PPP1R13L: variants seen among roughly 807,000 people sequenced by gnomAD.
PPP1R13L encodes protein phosphatase 1 regulatory subunit 13 like, also known as relA-associated inhibitor.
A neutral mutation model predicts 80.9 loss-of-function variants in PPP1R13L; 50 were observed. The ratio of observed to expected loss-of-function variants is 0.62; its 90% CI spans 0.49 to 0.78. The LOEUF (loss-of-function observed/expected upper bound fraction) is 0.78. PPP1R13L is among the 30% of genes least tolerant of loss of function. The pLI, the probability that PPP1R13L is intolerant of heterozygous loss-of-function variation, is 0.00. For missense variants in PPP1R13L, 1,200 were observed against 1,205.9 expected (o/e 1.00, Z 0.07); for synonymous variants, 602 against 534.3 (o/e 1.13, Z -1.75).
chr19:45,391,999 G>A lies in PPP1R13L; in HGVS notation c.1696C>T (p.Leu566=). 6.5e-7 allele frequency: 1 copy of A among 1,537,374 alleles called. No individual in the cohort carries two copies. Among genetic ancestry groups the A allele is most frequent in the African/African-American group, 1.4e-5 (1 of 72,192 alleles). Reference sequence around the variant, plus strand: ...TCAGATCCCTCAGTGATGGGGGACAGCTCTGGCTCCGGCCCCCCGGGCCCT... The same window carrying A: ...TCAGATCCCTCAGTGATGGGGGACAACTCTGGCTCCGGCCCCCCGGGCCCT... ...GPGPGGPEPE[L]SPITEGSEAR... is the part of the protein sequence containing the mutation. Residue 566 remains leucine (L), a synonymous_variant, in exon 8 of 13, where the codon CTG becomes TTG. Transcript: ENST00000360957.
At chr19:45,392,644 G>A (rs1973001298) in intron 7 of PPP1R13L, 1 of 475,432 alleles carries the variant, frequency 2.1e-6, no homozygotes, top group African/African-American at 2.0e-5. Context: ...CTGGGCCTCA[G>A]AGAGGACAAG....
chr19:45,381,357 G>A (rs1031667756), intron 12 of PPP1R13L, among the ~76,000 whole-genome samples: 7 of 151,498 alleles, frequency 4.6e-5, no homozygotes, highest in Admixed American at 6.6e-5. Flanking sequence ...CCACCTGGCC[G>A]GGCCCTCCAC....
rs1972848724 is a variant in PPP1R13L, at chr19:45,385,567, A to G, written c.2243T>C (p.Leu748Pro). 2 of 1,610,644 alleles carry G rather than the reference A, an allele frequency of 1.2e-6. No homozygotes were observed. Among genetic ancestry groups the G allele is most frequent in the Non-Finnish European group, 1.7e-6 (2 of 1,178,258 alleles). The change falls in exon 11 of 13, where the codon CTG becomes CCG. Residue 748 changes from leucine (L) to proline (P), a missense_variant. Physicochemically the swap from Leu to Pro is moderately conservative, Grantham distance 98. Around this residue, in one of 5 missense-constraint regions of PPP1R13L, gnomAD observed 165 missense variants for 177.1 expected, o/e 0.93. Coordinates refer to ENST00000360957, the MANE Select transcript of PPP1R13L (RefSeq NM_006663.4). ...REGYADCATY[L>P]ADVEQSMGLM... is the part of the protein sequence containing the mutation. ...CCAGCAGCCCTGCCTCGCACCTGCCAGGTAGGTGGCGCAGTCAGCATAACC... is the reference window on the plus strand; with the variant it reads ...CCAGCAGCCCTGCCTCGCACCTGCCGGGTAGGTGGCGCAGTCAGCATAACC...
intron 12 of PPP1R13L, among the ~76,000 whole-genome samples, chr19:45,381,961 C>T (rs1458548990): frequency 6.6e-6 from 1 of 151,570 alleles, no homozygotes; most frequent in Admixed American, 6.6e-5. Flanking sequence ...TACAAATTGG[C>T]CGGGTGCGGT....
At chr19:45,382,438 C>G in intron 12 of PPP1R13L, 89 bp downstream of exon 12, 4 of 1,467,794 alleles carry the variant, frequency 2.7e-6, no homozygotes, top group Non-Finnish European at 3.7e-6. Flanking sequence ...ACGGTTTGTT[C>G]CTGTTGCCTC....
At chr19:45,395,960 G>A in intron 6 of PPP1R13L, 74 bp from the exon 7 acceptor site, 2 of 1,396,664 alleles carry the variant, frequency 1.4e-6, no homozygotes, top group Admixed American at 2.1e-5. Flanking sequence ...CAAAAGACGA[G>A]AAGGGAGAGG....
At position 45,396,419 on chromosome 19, in the gene PPP1R13L, G is replaced by C. The variant is rs1473770382; in HGVS notation, c.730C>G (p.Arg244Gly). Residue 244 changes from arginine (R) to glycine (G), a missense_variant, in exon 5 of 13, where the codon CGG becomes GGG. Around this residue, in one of 5 missense-constraint regions of PPP1R13L, gnomAD observed 764 missense variants for 714.5 expected, o/e 1.07. Transcript: ENST00000360957. This position sits in a 1 kb window ranked among gnomAD's most constrained non-coding sequence, Gnocchi z 5.3. ...TCGTTCCAGGCTTTCGGAGGCCGCCGGCGCAGCGTCAGGTCGTCTGGGGAG... is the reference window on the plus strand; with the variant it reads ...TCGTTCCAGGCTTTCGGAGGCCGCCCGCGCAGCGTCAGGTCGTCTGGGGAG... ...LRAQDDLTLR[R>G]RPPKAWNESD... The C allele has an allele frequency of 6.2e-7, 1 of 1,613,956 alleles. No individual in the cohort carries two copies. Among genetic ancestry groups the C allele is most frequent in the Non-Finnish European group, 8.5e-7 (1 of 1,180,000 alleles).
At chr19:45,382,458 C>T in intron 12 of PPP1R13L, 69 bp downstream of exon 12, 2 of 1,542,444 alleles carry the variant, frequency 1.3e-6, no homozygotes, top group Admixed American at 1.8e-5. Context: ...CTTCTTTTTC[C>T]TGTGGGATCC....
chr19:45,382,563 G>A lies in PPP1R13L; in HGVS notation c.2412C>T (p.His804=), dbSNP rs373520049. ...EETDWWWAAL[H]GQEGYVPRNY... is the part of the protein sequence containing the mutation. Reference sequence around the variant, plus strand: ...TCCGCGGCACGTAGCCCTCCTGGCCGTGCAGCGCGGCCCACCACCAGTCGG... The same window carrying A: ...TCCGCGGCACGTAGCCCTCCTGGCCATGCAGCGCGGCCCACCACCAGTCGG... The change falls in exon 12 of 13, where the codon CAC becomes CAT. Residue 804 remains histidine (H), a synonymous_variant. Coordinates refer to ENST00000360957, the MANE Select transcript of PPP1R13L (RefSeq NM_006663.4). 11 of 1,613,304 alleles carry A rather than the reference G, an allele frequency of 6.8e-6. No individual in the cohort carries two copies. The highest frequency in any genetic ancestry group is 8.5e-6 in the Non-Finnish European group (10 of 1,179,834).
intron 8 of PPP1R13L, among the ~76,000 whole-genome samples, chr19:45,389,815 A>T (rs1972934796): frequency 6.6e-6 from 1 of 151,438 alleles, no homozygotes; most frequent in Non-Finnish European, 1.5e-5. Context: ...ATTTTTTTTG[A>T]GACGGAATCT....
chr19:45,396,597 G>T lies in PPP1R13L; in HGVS notation c.660C>A (p.Ser220Arg). ...AYDAPASAFG[S>R]SLLGSGGSAF... ...CGCTGCCGCCGGAGCCTAGCAGGGA[G>T]CTCCCGAAGGCGGACGCTGGCGCGT... The change falls in exon 4 of 13, where the codon AGC (serine) becomes AGA (arginine). Residue 220 changes from serine to arginine, a missense_variant. Transcript: ENST00000360957. The surrounding 1 kb of genome is among the most constrained non-coding windows in gnomAD (Gnocchi z 5.3). 1 of 1,495,198 alleles carries T rather than the reference G, an allele frequency of 6.7e-7. No individual in the cohort carries two copies. Among genetic ancestry groups the T allele is most frequent in the Non-Finnish European group, 8.8e-7 (1 of 1,131,354 alleles). The allele number at this position is 1,495,198 out of a possible 1,614,324, so 92.6% of individuals were successfully genotyped here.
upstream of PPP1R13L, among the ~76,000 whole-genome samples, chr19:45,405,734 T>C (rs1242911900): frequency 1.4e-4 from 22 of 152,146 alleles, 1 homozygote; most frequent in Admixed American, 1.4e-3. Context: ...ATCCTAAATC[T>C]TGGCAGAGGG....
Position 45,398,058 on chromosome 19 carries a change from G to A in PPP1R13L, c.145C>T (p.Leu49=), listed in dbSNP as rs1322154405. The change falls in exon 3 of 13, where the codon CTG becomes TTG. Residue 49 remains leucine (L), a synonymous_variant. Transcript: ENST00000360957. ...GGAGGCGCGGGAGAGTCTGACCACA[G>A]CGACTCCAGCTGCTTGGTCAGTTCA... is the stretch of plus-strand genomic sequence containing the variant. ...VDELTKQLES[L]WSDSPAPPGP... is the part of the protein sequence containing the mutation. 1.2e-6 allele frequency: 2 copies of A among 1,614,132 alleles called. No homozygotes were observed. The highest frequency in any genetic ancestry group is 3.3e-5 in the Admixed American group (2 of 60,022).
chr19:45,406,353 A>C, upstream of PPP1R13L: 1 of 1,230,968 alleles, frequency 8.1e-7, no homozygotes, highest in Non-Finnish European at 1.0e-6. The surrounding 1 kb of genome is among the most constrained non-coding windows in gnomAD (Gnocchi z 4.2). Flanking sequence ...TAGGAAGAGC[A>C]GTGTGGCTGC....
intron 9 of PPP1R13L, 41 bp downstream of exon 9, chr19:45,386,008 G>T (rs765331352): frequency 1.3e-6 from 2 of 1,545,454 alleles, no homozygotes; most frequent in Non-Finnish European, 1.7e-6. Flanking sequence ...TGGCATCTGC[G>T]ATGCCCCCGC....
intron 7 of PPP1R13L, 140 bp downstream of exon 7, chr19:45,395,296 A>G: frequency 8.2e-7 from 1 of 1,214,456 alleles, no homozygotes; most frequent in Non-Finnish European, 1.2e-6. Context: ...TCCCAAACTC[A>G]CCTGGCCTAG....
intron 8 of PPP1R13L, 25 bp downstream of exon 8, chr19:45,391,855 C>T (rs771692065): frequency 1.4e-6 from 2 of 1,431,800 alleles, no homozygotes; most frequent in East Asian, 2.5e-5. Context: ...GCAAACATAC[C>T]CCGGTTTCCT....
rs778219211 is a variant in PPP1R13L at position 45,398,365 on chromosome 19, G to A, written c.-21-26C>T. 43 of 1,607,366 alleles carry A rather than the reference G, an allele frequency of 2.7e-5. No individual in the cohort carries two copies. The Admixed American group carries it at 5.4e-4, about 20-fold the overall frequency. Reference sequence around the variant, plus strand: ...CTGCATGGTGGGGAGGGAGGGAGCTGGCTAAGACCCCGCCCCTCTAGACCC... The same window carrying A: ...CTGCATGGTGGGGAGGGAGGGAGCTAGCTAAGACCCCGCCCCTCTAGACCC... On this transcript the variant is annotated intron_variant, in intron 1 of 12. Coordinates refer to ENST00000360957, the MANE Select transcript of PPP1R13L (RefSeq NM_006663.4).
intron 7 of PPP1R13L, chr19:45,392,827 TTC>T (rs563196685): frequency 9.8e-4 from 242 of 246,746 alleles, no homozygotes; most frequent in African/African-American, 1.9e-3. Context: ...TAATGATTTC[TTC>T]TCTGTCTTAC....
Sources: allele counts gnomAD v4.1 joint callset (sites outside exome capture counted in the v4.1 genomes callset), GRCh38; gene constraint gnomAD v4.1.1; regional missense constraint gnomAD v4.1.1; non-coding constraint Gnocchi (gnomAD v3.1); transcripts MANE v1.5; gene names NCBI Gene and HGNC (gene_info 2026-07-23, HGNC 2026-07-21).